The following HS6ST2 variants were observed in gnomAD, a reference collection of about 807,000 sequenced individuals.
HS6ST2 encodes heparan sulfate 6-O-sulfotransferase 2, also known as heparan-sulfate 6-O-sulfotransferase 2.
In HS6ST2, 17 loss-of-function variants were observed where a neutral mutation model predicts 33.0. That is an observed-to-expected ratio of 0.52 (90% CI 0.35 to 0.77). The LOEUF (loss-of-function observed/expected upper bound fraction) is 0.77, where lower values mean the gene tolerates loss of function less well. Among genes scored for constraint, HS6ST2 ranks in the 30% least tolerant of loss-of-function variants. The probability of loss-of-function intolerance (pLI) is 0.01; values close to 1 mark genes in which losing one functional copy is unlikely to be tolerated. For missense variants in HS6ST2, 519 were observed against 551.7 expected, an observed-to-expected ratio of 0.94 and a Z score of 0.59; for synonymous variants, 248 against 237.1, an observed-to-expected ratio of 1.05 and a Z score of -0.42.
intron 2 of HS6ST2, among the ~76,000 whole-genome samples, chrX:132,865,000 A>C (rs952551991): frequency 1.8e-5 from 2 of 110,882 alleles, no homozygotes; most frequent in African/African-American, 6.5e-5. Context: ...ATTATACTTT[A>C]AATTTTAGGG....
chrX:132,778,373 CGTT>C lies in HS6ST2; in HGVS notation c.948-69882_948-69880del, dbSNP rs773109991. Among the ~76,000 whole-genome samples the C allele has an allele frequency of 3.2e-4, 35 of 110,927 alleles. 1 individual carries two copies. The East Asian group carries it at 7.9e-3, about 25-fold the overall frequency. On this transcript the variant is annotated intron_variant, in intron 2 of 4. Coordinates refer to ENST00000370833, the MANE Select transcript of HS6ST2 (RefSeq NM_001394073.1). ...ATCAGATGCTGGATTGAGCAAAAAACGTTGTTTTGTTTTGTTTTGTTTTGTTTT... is the reference window on the plus strand; with the variant it reads ...ATCAGATGCTGGATTGAGCAAAAAACGTTTTGTTTTGTTTTGTTTTGTTTT...
At chrX:132,942,123 CT>C (rs761222061) in intron 2 of HS6ST2, among the ~76,000 whole-genome samples, 1 of 111,488 alleles carries the variant, frequency 9.0e-6, no homozygotes, top group Non-Finnish European at 1.9e-5. Flanking sequence ...GCCTATTATA[CT>C]CTTAGAACAT....
chrX:132,776,495 G>T (rs1485469942), intron 2 of HS6ST2, among the ~76,000 whole-genome samples: 2 of 111,670 alleles, frequency 1.8e-5, no homozygotes, highest in African/African-American at 6.5e-5. Context: ...TGCTATTGCT[G>T]CATTAGGAAT....
chrX:132,810,655 G>A (rs1292254202), intron 2 of HS6ST2, among the ~76,000 whole-genome samples: 6 of 111,128 alleles, frequency 5.4e-5, no homozygotes, highest in African/African-American at 2.0e-4. Context: ...CCAATAGGAC[G>A]TTAGCAAATA....
chrX:132,946,224 A>G (rs1273826598), intron 2 of HS6ST2, among the ~76,000 whole-genome samples: 1 of 111,829 alleles, frequency 8.9e-6, no homozygotes, highest in African/African-American at 3.3e-5. Context: ...TGATTCCTCA[A>G]GGATCTAGAA....
At chrX:132,688,773 G>GT (rs1251212876) in intron 3 of HS6ST2, among the ~76,000 whole-genome samples, 1 of 111,827 alleles carries the variant, frequency 8.9e-6, no homozygotes, top group East Asian at 2.8e-4. Flanking sequence ...AAGTAATCTA[G>GT]TTTGAAGAGA....
chrX:132,889,798 A>G (rs2066289590), intron 2 of HS6ST2, among the ~76,000 whole-genome samples: 1 of 111,509 alleles, frequency 9.0e-6, no homozygotes, highest in Non-Finnish European at 1.9e-5. Context: ...CAGAACTAGA[A>G]AAAACAATCC....
chrX:132,851,151 TATTTCCAC>T (rs2065797406), intron 2 of HS6ST2, among the ~76,000 whole-genome samples: 1 of 111,967 alleles, frequency 8.9e-6, no homozygotes, highest in African/African-American at 3.2e-5. Context: ...AAGCTAAGGT[TATTTCCAC>T]ATAATACTAA....
At chrX:132,741,152 C>A (rs2064571349) in intron 2 of HS6ST2, among the ~76,000 whole-genome samples, 1 of 111,811 alleles carries the variant, frequency 8.9e-6, no homozygotes, top group Admixed American at 9.5e-5. Context: ...CAAGCCTGGC[C>A]AGCTGCGCCG....
intron 2 of HS6ST2, among the ~76,000 whole-genome samples, chrX:132,871,122 C>T (rs1569499109): frequency 8.9e-6 from 1 of 111,973 alleles, no homozygotes; most frequent in Non-Finnish European, 1.9e-5. Context: ...AGGATATGAA[C>T]AAACACTTCT....
upstream of HS6ST2, among the ~76,000 whole-genome samples, chrX:132,959,861 A>G (rs1348573466): frequency 8.9e-6 from 1 of 112,051 alleles, no homozygotes; most frequent in Non-Finnish European, 1.9e-5. Context: ...CAATGTGCCA[A>G]CTGCGTCACA....
intron 2 of HS6ST2, among the ~76,000 whole-genome samples, chrX:132,805,408 A>ATGCTT (rs1569492976): frequency 9.6e-6 from 1 of 104,489 alleles, no homozygotes; most frequent in Non-Finnish European, 2.1e-5. Context: ...GATCTGGCCC[A>ATGCTT]ACAGCTCCTC....
At chrX:132,839,883 G>A (rs544201468) in intron 2 of HS6ST2, among the ~76,000 whole-genome samples, 5 of 110,818 alleles carry the variant, frequency 4.5e-5, no homozygotes, top group African/African-American at 1.3e-4. Flanking sequence ...TTGGGAGGCC[G>A]AGACACGTAA....
intron 2 of HS6ST2, among the ~76,000 whole-genome samples, chrX:132,852,591 T>C (rs1310296999): frequency 1.8e-5 from 2 of 111,937 alleles, no homozygotes; most frequent in African/African-American, 6.5e-5. Flanking sequence ...CCCATAGAAA[T>C]TCATTGCGTT....
intron 2 of HS6ST2, among the ~76,000 whole-genome samples, chrX:132,718,887 CTT>C (rs2064302108): frequency 9.0e-6 from 1 of 110,837 alleles, no homozygotes; most frequent in East Asian, 2.8e-4. Flanking sequence ...CTCTCTCTCT[CTT>C]TGAAGCAGTG....
At chrX:132,786,803 G>A (rs2065065840) in intron 2 of HS6ST2, among the ~76,000 whole-genome samples, 2 of 108,363 alleles carry the variant, frequency 1.8e-5, no homozygotes, top group South Asian at 8.2e-4. Flanking sequence ...TGTATTTTCA[G>A]TAGAGACGAG....
chrX:132,932,185 CAA>C (rs61033088), intron 2 of HS6ST2, among the ~76,000 whole-genome samples: 2 of 73,698 alleles, frequency 2.7e-5, no homozygotes, highest in Non-Finnish European at 2.5e-5. Context: ...GACTCCACCT[CAA>C]AAAAAAAAAA....
chrX:132,741,296 G>T (rs1176679876), intron 2 of HS6ST2, among the ~76,000 whole-genome samples: 1 of 107,417 alleles, frequency 9.3e-6, no homozygotes, highest in East Asian at 2.9e-4. Context: ...TTTTGTTTTT[G>T]GTTTTGTTTT....
At chrX:132,955,742 A>G (rs1017421332) in intron 2 of HS6ST2, among the ~76,000 whole-genome samples, 3 of 111,928 alleles carry the variant, frequency 2.7e-5, no homozygotes, top group African/African-American at 9.8e-5. Flanking sequence ...CATAGCACTC[A>G]CTTCCCCCAC....
Sources: allele counts gnomAD v4.1 joint callset (sites outside exome capture counted in the v4.1 genomes callset), GRCh38; gene constraint gnomAD v4.1.1; transcripts MANE v1.5; gene names NCBI Gene and HGNC (gene_info 2026-07-23, HGNC 2026-07-21).